The following RALGPS1 variants were observed in gnomAD, a reference collection of about 807,000 sequenced individuals.
RALGPS1 encodes the protein Ral GEF with PH domain and SH3 binding motif 1.
In RALGPS1, 19 loss-of-function variants were observed where a neutral mutation model predicts 78.8. The ratio of observed to expected loss-of-function variants is 0.24; its 90% CI spans 0.17 to 0.35. RALGPS1 has a LOEUF of 0.35. RALGPS1 is among the 10% of genes least tolerant of loss of function. RALGPS1 has a pLI of 1.00. For synonymous variants in RALGPS1, 228 were observed against 256.3 expected, an observed-to-expected ratio of 0.89 and a Z score of 1.06; for missense variants, 454 against 688.3, an observed-to-expected ratio of 0.66 and a Z score of 3.81.
intron 8 of RALGPS1, among the ~76,000 whole-genome samples, chr9:127,159,965 G>A (rs560978147): frequency 6.6e-6 from 1 of 152,260 alleles, no homozygotes; most frequent in Non-Finnish European, 1.5e-5. Context: ...TGGAAATGTG[G>A]CACATTTTTA....
intron 8 of RALGPS1, among the ~76,000 whole-genome samples, chr9:127,141,257 C>T (rs529611677): frequency 2.7e-3 from 405 of 152,190 alleles, no homozygotes; most frequent in African/African-American, 9.2e-3. Flanking sequence ...GTCAGCCGTA[C>T]AGTAAGGTGT....
At chr9:127,191,808 C>T (rs901559255) in intron 11 of RALGPS1, among the ~76,000 whole-genome samples, 10 of 151,680 alleles carry the variant, frequency 6.6e-5, no homozygotes, top group Non-Finnish European at 1.0e-4. Flanking sequence ...CGCCATTCTC[C>T]TGCCTCAGCC....
At chr9:127,051,608 G>A (rs1379586385) in intron 6 of RALGPS1, among the ~76,000 whole-genome samples, 3 of 152,198 alleles carry the variant, frequency 2.0e-5, no homozygotes, top group Non-Finnish European at 4.4e-5. Flanking sequence ...AGAATGTTAC[G>A]AGATGTATGA....
chr9:126,991,866 A>C (rs542874471), intron 4 of RALGPS1, among the ~76,000 whole-genome samples: 9 of 152,354 alleles, frequency 5.9e-5, no homozygotes, highest in African/African-American at 2.2e-4. Context: ...GGAAGTAATA[A>C]GGAGAAAAGC....
intron 8 of RALGPS1, among the ~76,000 whole-genome samples, chr9:127,126,404 T>A (rs1166329423): frequency 1.3e-5 from 2 of 152,210 alleles, no homozygotes; most frequent in African/African-American, 2.4e-5. Flanking sequence ...TGGACCTATA[T>A]GTTTTTACTA....
chr9:127,104,924 T>C (rs1461776379), intron 8 of RALGPS1, among the ~76,000 whole-genome samples: 1 of 152,236 alleles, frequency 6.6e-6, no homozygotes, highest in Non-Finnish European at 1.5e-5. Flanking sequence ...GATAAGAACC[T>C]GCCCCAAGCT....
chr9:126,930,518 C>T (rs559304918), intron 1 of RALGPS1, among the ~76,000 whole-genome samples: 4 of 152,296 alleles, frequency 2.6e-5, no homozygotes, highest in East Asian at 3.9e-4. Context: ...TCTTGGCTCA[C>T]GGTAACCTTC....
At position 127,093,610 on chromosome 9, in the gene RALGPS1, C is replaced by T. The variant is rs540009206; in HGVS notation, c.610+24254C>T. Reference sequence around the variant, plus strand: ...CCTCAGGTATATGTGTTGTTGGGGCCGCACAGGCCTGGGCTTGGTCAGCAT... The same window carrying T: ...CCTCAGGTATATGTGTTGTTGGGGCTGCACAGGCCTGGGCTTGGTCAGCAT... On this transcript the variant is annotated intron_variant, in intron 8 of 18. Transcript: ENST00000259351. 1.1e-3 allele frequency: 1,390 copies of T among 1,219,344 alleles called. 13 individuals carry two copies. Among genetic ancestry groups the T allele is most frequent in the Non-Finnish European group, 2.1e-4 (178 of 866,778 alleles). The allele number at this position is 1,219,344 out of a possible 1,614,324, so 75.5% of individuals were successfully genotyped here.
chr9:127,199,589 G>GCCTCCCTCGAGGATCCCTCTC (rs2140699434), intron 14 of RALGPS1, among the ~76,000 whole-genome samples: 1 of 152,222 alleles, frequency 6.6e-6, no homozygotes, highest in Admixed American at 6.5e-5. Flanking sequence ...GGATCCCTCT[G>GCCTCCCTCGAGGATCCCTCTC]CCTCCCTCGA....
chr9:127,124,831 G>A (rs992715396), intron 8 of RALGPS1, among the ~76,000 whole-genome samples: 3 of 152,208 alleles, frequency 2.0e-5, no homozygotes, highest in Non-Finnish European at 4.4e-5. Flanking sequence ...CTGGATTAAT[G>A]TGAGCTACAG....
intron 4 of RALGPS1, among the ~76,000 whole-genome samples, chr9:126,983,097 C>T (rs1030045771): frequency 4.0e-5 from 6 of 151,472 alleles, no homozygotes; most frequent in Admixed American, 1.3e-4. Context: ...ATACCACGAC[C>T]GGCTAATTAT....
chr9:127,077,653 C>T (rs532465161), intron 8 of RALGPS1, among the ~76,000 whole-genome samples: 2 of 152,308 alleles, frequency 1.3e-5, no homozygotes, highest in Admixed American at 1.3e-4. Context: ...GCTTTTAATG[C>T]CCAACTGAAA....
chr9:127,207,491 G>A (rs1032664124), intron 14 of RALGPS1, among the ~76,000 whole-genome samples: 22 of 152,200 alleles, frequency 1.4e-4, no homozygotes, highest in African/African-American at 5.1e-4. Context: ...CCCTATGTCA[G>A]TTACCAAAAA....
chr9:127,216,506 T>A (rs2131025686), intron 18 of RALGPS1, among the ~76,000 whole-genome samples: 1 of 152,352 alleles, frequency 6.6e-6, no homozygotes, highest in Non-Finnish European at 1.5e-5. Flanking sequence ...GGGACCCTAT[T>A]GTGTGACACT....
At chr9:127,011,883 A>G (rs2044377650) in intron 4 of RALGPS1, among the ~76,000 whole-genome samples, 1 of 152,184 alleles carries the variant, frequency 6.6e-6, no homozygotes, top group East Asian at 1.9e-4. Flanking sequence ...GGTTTGCCTC[A>G]TTGGCAGGTC....
At chr9:127,007,743 G>C (rs1360963061) in intron 4 of RALGPS1, among the ~76,000 whole-genome samples, 1 of 152,210 alleles carries the variant, frequency 6.6e-6, no homozygotes, top group Non-Finnish European at 1.5e-5. Flanking sequence ...GCCAGTCACA[G>C]ATGAGCTAGA....
At position 126,994,964 on chromosome 9, in the gene RALGPS1, A is replaced by G. The variant is rs1172287146; in HGVS notation, c.216+17219A>G. On this transcript the variant is annotated intron_variant, in intron 4 of 18. Coordinates refer to ENST00000259351, the MANE Select transcript of RALGPS1 (RefSeq NM_014636.3). ...AAGTGAAGGAGAAATAAAACACTTTACAGACAAGCAAATACTGAGAGATTT... is the reference window on the plus strand; with the variant it reads ...AAGTGAAGGAGAAATAAAACACTTTGCAGACAAGCAAATACTGAGAGATTT... Among the ~76,000 whole-genome samples, 36 of 152,230 alleles carry G rather than the reference A, an allele frequency of 2.4e-4. 1 individual carries two copies. The highest frequency in any genetic ancestry group is 2.4e-3 in the Admixed American group (36 of 15,278).
At chr9:127,175,648 G>A (rs1460842732) in intron 11 of RALGPS1, among the ~76,000 whole-genome samples, 3 of 146,438 alleles carry the variant, frequency 2.0e-5, no homozygotes, top group South Asian at 2.2e-4. Context: ...CTGCAGTCTT[G>A]GACAAGTGAC....
At chr9:126,960,623 G>C (rs1018864845) in intron 1 of RALGPS1, among the ~76,000 whole-genome samples, 1 of 152,072 alleles carries the variant, frequency 6.6e-6, no homozygotes, top group Non-Finnish European at 1.5e-5. Context: ...ATATCATCAG[G>C]CTGACTTTTT....
Sources: allele counts gnomAD v4.1 joint callset (sites outside exome capture counted in the v4.1 genomes callset), GRCh38; gene constraint gnomAD v4.1.1; transcripts MANE v1.5; gene names NCBI Gene and HGNC (gene_info 2026-07-23, HGNC 2026-07-21).